Variants in LARGE1 observed in about 807,000 individuals in gnomAD.
LARGE1 encodes the protein xylosyl- and glucuronyltransferase LARGE1.
A neutral mutation model predicts 87.6 loss-of-function variants in LARGE1; 43 were observed. The observed-to-expected ratio is 0.49, with a 90% confidence interval of 0.38 to 0.63. The LOEUF is 0.63. LARGE1 is among the 30% of genes least tolerant of loss of function. The pLI is 0.00. For missense variants in LARGE1, 802 were observed against 1,000.2 expected (o/e 0.80, Z 2.67); for synonymous variants, 434 against 394.6 (o/e 1.10, Z -1.18).
At chr22:33,296,061 T>C (rs1933207090) in intron 12 of LARGE1, among the ~76,000 whole-genome samples, 1 of 152,240 alleles carries the variant, frequency 6.6e-6, no homozygotes, top group African/African-American at 2.4e-5. Context: ...GTCTCCACCA[T>C]CTCAGGTAAT....
intron 2 of LARGE1, among the ~76,000 whole-genome samples, chr22:33,672,196 G>A (rs527503141): frequency 5.9e-5 from 9 of 152,278 alleles, no homozygotes; most frequent in Admixed American, 3.9e-4. Context: ...GAGGAGACAG[G>A]TACCCACGTG....
chr22:33,853,026 G>A (rs965618411), intron 1 of LARGE1, among the ~76,000 whole-genome samples: 1 of 152,084 alleles, frequency 6.6e-6, no homozygotes, highest in Non-Finnish European at 1.5e-5. Context: ...ACTGAAACAT[G>A]AGAAAGTCTT....
At chr22:33,918,924 T>TAG (rs2065863766) in intron 1 of LARGE1, among the ~76,000 whole-genome samples, 1 of 4,730 alleles carries the variant, frequency 2.1e-4, no homozygotes, top group Non-Finnish European at 4.2e-4. Flanking sequence ...CACTCCCTCC[T>TAG]CTCTCTCTCT....
intron 7 of LARGE1, among the ~76,000 whole-genome samples, chr22:33,407,851 G>A (rs1279892657): frequency 6.6e-6 from 1 of 152,074 alleles, no homozygotes; most frequent in Non-Finnish European, 1.5e-5. Flanking sequence ...CAAAGCAGCT[G>A]TCAATCTAAA....
chr22:33,742,824 TC>T (rs1444449090), intron 2 of LARGE1, among the ~76,000 whole-genome samples: 1 of 152,122 alleles, frequency 6.6e-6, no homozygotes, highest in African/African-American at 2.4e-5. Flanking sequence ...GACACTGGCT[TC>T]TAGCTCACCT....
At position 33,863,581 on chromosome 22, in the gene LARGE1, C is replaced by A. The variant is rs187273115; in HGVS notation, c.-83+56414G>T. Among the ~76,000 whole-genome samples, 1,422 of 151,168 alleles carry A rather than the reference C, an allele frequency of 9.4e-3. 18 individuals are homozygous for A. The highest frequency in any genetic ancestry group is 0.031 in the African/African-American group (1,285 of 41,126). ...GACCAGCCTGACCAACATGGTGAAA[C>A]CCCCGTCTCTACCAAAAAAAAAAAA... On this transcript the variant is annotated intron_variant, in intron 1 of 14. Transcript: ENST00000397394.
intron 2 of LARGE1, among the ~76,000 whole-genome samples, chr22:33,758,738 G>T (rs2084615077): frequency 6.6e-6 from 1 of 152,204 alleles, no homozygotes; most frequent in Non-Finnish European, 1.5e-5. Flanking sequence ...AACACAGACA[G>T]TTATGAATTC....
At chr22:33,880,150 C>A (rs1022873330) in intron 1 of LARGE1, among the ~76,000 whole-genome samples, 6 of 152,182 alleles carry the variant, frequency 3.9e-5, no homozygotes, top group African/African-American at 1.4e-4. Flanking sequence ...CGTTAACATG[C>A]TCTTATTTCT....
chr22:33,402,526 A>G (rs2065958938), intron 7 of LARGE1, among the ~76,000 whole-genome samples: 1 of 152,184 alleles, frequency 6.6e-6, no homozygotes, highest in Non-Finnish European at 1.5e-5. Flanking sequence ...TCAGGGTCCT[A>G]GCATCTACCC....
At chr22:33,543,245 C>T (rs1432966387) in intron 6 of LARGE1, among the ~76,000 whole-genome samples, 14 of 151,464 alleles carry the variant, frequency 9.2e-5, no homozygotes, top group Non-Finnish European at 2.1e-4. Flanking sequence ...ATGGTGAGCC[C>T]AAGTAGTACT....
chr22:33,849,961 C>G lies in LARGE1; in HGVS notation c.-83+70034G>C, dbSNP rs139394578. Among the ~76,000 whole-genome samples, 146 of 152,054 alleles carry G rather than the reference C, an allele frequency of 9.6e-4. No individual in the cohort carries two copies. The East Asian group carries it at 0.024, about 25-fold the overall frequency. On this transcript the variant is annotated intron_variant, in intron 1 of 14. Transcript: ENST00000397394. ...ACAGTTGTTATCCCAATTTTCCATA[C>G]GAGGAAATACAAAGGGATGGAGAGA...
chr22:33,582,248 T>G (rs2078542511), intron 5 of LARGE1, among the ~76,000 whole-genome samples: 1 of 152,190 alleles, frequency 6.6e-6, no homozygotes, highest in Non-Finnish European at 1.5e-5. Context: ...GTGCTAAGGT[T>G]GAGGCACCTT....
At chr22:33,665,941 A>C (rs945523406) in intron 2 of LARGE1, among the ~76,000 whole-genome samples, 1 of 152,184 alleles carries the variant, frequency 6.6e-6, no homozygotes, top group Non-Finnish European at 1.5e-5. Flanking sequence ...GGGCTTAAGT[A>C]AAGTTTAAGT....
intron 2 of LARGE1, among the ~76,000 whole-genome samples, chr22:33,687,010 T>A (rs1261044477): frequency 6.6e-6 from 1 of 152,146 alleles, no homozygotes; most frequent in Admixed American, 6.5e-5. Flanking sequence ...AACTCTCTGT[T>A]CCCATCTCTT....
rs375787929 is a variant in LARGE1, at chr22:33,279,055, C to T, written c.1878-1800G>A. 8.2e-4 allele frequency among the ~76,000 whole-genome samples: 125 copies of T among 152,274 alleles called. 1 individual carries two copies. Among genetic ancestry groups the T allele is most frequent in the African/African-American group, 2.9e-3 (119 of 41,566 alleles). On this transcript the variant is annotated intron_variant, in intron 13 of 14. Transcript: ENST00000397394. ...TTATATGTCCCTGTCCCCCACACTT[C>T]CTGGCCTGTTGAACGAGTACTCAAC... is the stretch of plus-strand genomic sequence containing the variant.
chr22:33,555,520 C>T (rs887016712), intron 6 of LARGE1, among the ~76,000 whole-genome samples: 2 of 151,978 alleles, frequency 1.3e-5, no homozygotes, highest in Non-Finnish European at 2.9e-5. Flanking sequence ...GGCAAAGACT[C>T]GAAGGGCTGG....
chr22:33,332,564 G>C (rs981207162), intron 10 of LARGE1, among the ~76,000 whole-genome samples: 1 of 152,168 alleles, frequency 6.6e-6, no homozygotes, highest in African/African-American at 2.4e-5. Flanking sequence ...GTCCAAAGAA[G>C]AGGTTCCTGA....
rs78190950 is a variant in LARGE1 at position 33,570,390 on chromosome 22, C to A, written c.616-5371G>T. On this transcript the variant is annotated intron_variant, in intron 5 of 14. Transcript: ENST00000397394. ...GTCAGGGGAAATAAGTCACTTGTCACCTTGTCCTATGTTTCTGTAAAAAAT... is the reference window on the plus strand; with the variant it reads ...GTCAGGGGAAATAAGTCACTTGTCAACTTGTCCTATGTTTCTGTAAAAAAT... 3.5e-4 allele frequency among the ~76,000 whole-genome samples: 53 copies of A among 152,222 alleles called. No homozygotes were observed. The East Asian group carries it at 0.01, about 29-fold the overall frequency.
intron 14 of LARGE1, among the ~76,000 whole-genome samples, chr22:33,276,463 CACTT>C (rs950314922): frequency 6.6e-6 from 1 of 152,222 alleles, no homozygotes; most frequent in African/African-American, 2.4e-5. Flanking sequence ...AAGCTCAAAA[CACTT>C]ACTATCTGGT....
Sources: gnomAD v4.1 joint callset for allele counts (sites outside exome capture counted in the v4.1 genomes callset) on GRCh38, gnomAD v4.1.1 for gene constraint, MANE v1.5 for transcripts, NCBI Gene and HGNC (gene_info 2026-07-23, HGNC 2026-07-21) for gene names.